The following LRMDA variants were observed in gnomAD, a reference collection of about 807,000 sequenced individuals.
The protein encoded by LRMDA is leucine rich melanocyte differentiation associated, also known as leucine-rich melanocyte differentiation-associated protein.
In LRMDA, 18 loss-of-function variants were observed where a neutral mutation model predicts 29.8. The ratio of observed to expected loss-of-function variants is 0.60; its 90% CI spans 0.42 to 0.90. LRMDA has a LOEUF of 0.90. Among genes scored for constraint, LRMDA ranks in the 40% least tolerant of loss-of-function variants. The pLI is 0.00. For synonymous variants in LRMDA, 125 were observed against 109.4 expected (o/e 1.14, Z -0.89); for missense variants, 273 against 273.9 (o/e 1.00, Z 0.02).
intron 2 of LRMDA, among the ~76,000 whole-genome samples, chr10:75,502,792 T>G (rs1202855557): frequency 6.6e-6 from 1 of 152,182 alleles, no homozygotes; most frequent in Non-Finnish European, 1.5e-5. Flanking sequence ...ACGTGCAGGT[T>G]TGTTATATAG....
At chr10:75,967,510 C>T (rs759842966) in intron 2 of LRMDA, among the ~76,000 whole-genome samples, 7 of 152,200 alleles carry the variant, frequency 4.6e-5, no homozygotes, top group Non-Finnish European at 1.0e-4. Context: ...ATTCAATCCA[C>T]TTTGGCATCA....
chr10:75,646,713 G>C (rs1348995711), intron 2 of LRMDA, among the ~76,000 whole-genome samples: 1 of 152,202 alleles, frequency 6.6e-6, no homozygotes, highest in Admixed American at 6.5e-5. Context: ...GAGTGAGTTC[G>C]TTACATTGAT....
chr10:75,799,470 G>T (rs944076161), intron 2 of LRMDA, among the ~76,000 whole-genome samples: 1 of 150,920 alleles, frequency 6.6e-6, no homozygotes, highest in Non-Finnish European at 1.5e-5. Flanking sequence ...CTTGTTGATT[G>T]CATTTAGTTG....
intron 6 of LRMDA, among the ~76,000 whole-genome samples, chr10:76,521,711 G>T (rs1843122971): frequency 1.3e-5 from 2 of 152,146 alleles, no homozygotes; most frequent in South Asian, 4.1e-4. Context: ...TAGTACTCCA[G>T]TTGACTTGAT....
At chr10:75,519,428 C>T (rs559875426) in intron 2 of LRMDA, among the ~76,000 whole-genome samples, 23 of 152,308 alleles carry the variant, frequency 1.5e-4, no homozygotes, top group African/African-American at 4.1e-4. Flanking sequence ...GATCCCTTTA[C>T]CATTATGTAA....
At chr10:76,507,494 A>T (rs1842970842) in intron 6 of LRMDA, among the ~76,000 whole-genome samples, 1 of 152,074 alleles carries the variant, frequency 6.6e-6, no homozygotes, top group African/African-American at 2.4e-5. Context: ...TCCTTATCTT[A>T]GAAATGAATC....
chr10:76,137,750 T>C (rs1850121991), intron 5 of LRMDA, among the ~76,000 whole-genome samples: 1 of 147,866 alleles, frequency 6.8e-6, no homozygotes, highest in African/African-American at 2.5e-5. Flanking sequence ...ACTACTATTT[T>C]GAAAAAACAC....
intron 5 of LRMDA, among the ~76,000 whole-genome samples, chr10:76,174,315 T>A (rs545880758): frequency 1.7e-3 from 262 of 152,164 alleles, no homozygotes; most frequent in African/African-American, 6.1e-3. Context: ...AATTAAAAAA[T>A]TTTTAAAAAA....
intron 3 of LRMDA, among the ~76,000 whole-genome samples, chr10:76,036,594 G>A (rs986971516): frequency 3.9e-5 from 6 of 152,186 alleles, no homozygotes; most frequent in African/African-American, 1.4e-4. Context: ...GGCAGGCTTG[G>A]GGAACCGTTT....
rs548027900 is a variant in LRMDA at position 75,845,006 on chromosome 10, G to T, written c.132-191002G>T. Among the ~76,000 whole-genome samples the T allele has an allele frequency of 5.9e-5, 9 of 152,302 alleles. No homozygotes were observed. In the South Asian group the frequency reaches 1.9e-3, roughly 32 times the overall value. The stretch of plus-strand genomic sequence containing the variant: ...TTTTCTTATGGCTGGATGTTGAAGT[G>T]TGGCAACGCTGAAAGTATAATTATA... On this transcript the variant is annotated intron_variant, in intron 2 of 6. Transcript: ENST00000611255.
intron 2 of LRMDA, among the ~76,000 whole-genome samples, chr10:75,447,417 T>C (rs1041520104): frequency 6.6e-6 from 1 of 152,104 alleles, no homozygotes. Context: ...TCCTAGCTAC[T>C]CAGGAGGCTG....
chr10:75,653,782 C>T (rs1172060003), intron 2 of LRMDA, among the ~76,000 whole-genome samples: 1 of 152,184 alleles, frequency 6.6e-6, no homozygotes, highest in East Asian at 1.9e-4. Context: ...TGTGAAAATG[C>T]ACTCCTTGAA....
chr10:76,098,996 G>T (rs1849356158), intron 5 of LRMDA, among the ~76,000 whole-genome samples: 1 of 152,164 alleles, frequency 6.6e-6, no homozygotes, highest in Admixed American at 6.5e-5. Flanking sequence ...TTCATCAAGT[G>T]CAGGGTCTGC....
chr10:75,561,322 A>G (rs1295572309), intron 2 of LRMDA, among the ~76,000 whole-genome samples: 1 of 149,214 alleles, frequency 6.7e-6, no homozygotes, highest in African/African-American at 2.4e-5. Flanking sequence ...TTATTTGCGT[A>G]GAGGTGTTTG....
At position 76,301,513 on chromosome 10, in the gene LRMDA, G is replaced by GGC. The variant is rs547402911; in HGVS notation, c.517-22888_517-22887insGC. Among the ~76,000 whole-genome samples, 429 of 152,266 alleles carry GGC rather than the reference G, an allele frequency of 2.8e-3. 1 individual carries two copies. Among genetic ancestry groups the GGC allele is most frequent in the African/African-American group, 9.7e-3 (405 of 41,568 alleles). On this transcript the variant is annotated intron_variant, in intron 5 of 6. Transcript: ENST00000611255. ...GGCTAAAGGGTAGGACCAAGTGCTT[G>GGC]CTTCATCACGTTTTAGGAAAAATTG...
chr10:75,937,729 C>T (rs187901710), intron 2 of LRMDA, among the ~76,000 whole-genome samples: 3 of 152,228 alleles, frequency 2.0e-5, no homozygotes, highest in Admixed American at 6.5e-5. Context: ...GGCTGCGGAG[C>T]GGGCGTGTAA....
rs534408854 is a variant in LRMDA at position 75,958,272 on chromosome 10, C to T, written c.132-77736C>T. On this transcript the variant is annotated intron_variant, in intron 2 of 6. Coordinates refer to ENST00000611255, the MANE Select transcript of LRMDA (RefSeq NM_001305581.2). Reference sequence around the variant, plus strand: ...TGTCACACCTTCCCTTTGCTGTGAGCAAATGTTAAATTAAGCTGGAATTGA... The same window carrying T: ...TGTCACACCTTCCCTTTGCTGTGAGTAAATGTTAAATTAAGCTGGAATTGA... Among the ~76,000 whole-genome samples, 16 of 152,166 alleles carry T rather than the reference C, an allele frequency of 1.1e-4. No homozygotes were observed. In the South Asian group the frequency reaches 3.1e-3, roughly 30 times the overall value.
At chr10:76,470,056 T>TA (rs1842602710) in intron 6 of LRMDA, among the ~76,000 whole-genome samples, 2 of 151,542 alleles carry the variant, frequency 1.3e-5, no homozygotes, top group African/African-American at 2.4e-5. Context: ...GGAAAAAAAA[T>TA]AAAAAAACTA....
chr10:75,551,471 C>T (rs1166550040), intron 2 of LRMDA, among the ~76,000 whole-genome samples: 3 of 151,988 alleles, frequency 2.0e-5, no homozygotes, highest in Non-Finnish European at 4.4e-5. Context: ...TCTTCTAATG[C>T]TACCCCTCCC....
Sources: gnomAD v4.1 joint callset for allele counts (sites outside exome capture counted in the v4.1 genomes callset) on GRCh38, gnomAD v4.1.1 for gene constraint, MANE v1.5 for transcripts, NCBI Gene and HGNC (gene_info 2026-07-23, HGNC 2026-07-21) for gene names.